The following MBTPS2 variants were observed in gnomAD, a reference collection of about 807,000 sequenced individuals.
MBTPS2 encodes membrane-bound transcription factor site-2 protease.
In MBTPS2, 2 loss-of-function variants were observed where a neutral mutation model predicts 35.4. The observed-to-expected ratio is 0.06, with a 90% CI of 0.02 to 0.18. The LOEUF is 0.18. MBTPS2 is among the 10% of genes least tolerant of loss of function. The probability of loss-of-function intolerance (pLI) is 1.00; values close to 1 mark genes in which losing one functional copy is unlikely to be tolerated. For missense variants in MBTPS2, 244 were observed against 386.5 expected (o/e 0.63, Z 3.09); for synonymous variants, 125 against 140.4 (o/e 0.89, Z 0.77).
intron 5 of MBTPS2, chrX:21,856,212 T>A (rs955266416): frequency 1.2e-5 from 4 of 327,988 alleles, no homozygotes; most frequent in African/African-American, 1.0e-4. Context: ...ACGCGCCAGT[T>A]GCCTAGGCGC....
In MBTPS2 at chrX:21,884,630, A is replaced by G. The variant is rs2092962730; in HGVS notation, c.*1975A>G. 2 of 753,642 alleles carry G rather than the reference A, an allele frequency of 2.7e-6. No homozygotes were observed. The highest frequency in any genetic ancestry group is 4.6e-5 in the African/African-American group (2 of 43,843). The allele number at this position is 753,642 out of a possible 1,213,427, so 62.1% of individuals were successfully genotyped here. ...GTACCATTTGTATAAAACCGGCCTCATTATGTAAGAAAGAAAATGTTACGT... is the reference window on the plus strand; with the variant it reads ...GTACCATTTGTATAAAACCGGCCTCGTTATGTAAGAAAGAAAATGTTACGT... On this transcript the variant is annotated 3_prime_UTR_variant, in exon 11 of 11. Coordinates refer to ENST00000379484, the MANE Select transcript of MBTPS2 (RefSeq NM_015884.4).
At chrX:21,853,331 A>G (rs375202599) in intron 4 of MBTPS2, 45 bp from the exon 5 acceptor site, 10 of 966,393 alleles carry the variant, frequency 1.0e-5, no homozygotes, top group African/African-American at 1.9e-5. Context: ...AATTTGATAA[A>G]TATAATAGTA....
In MBTPS2 at chrX:21,884,730, C is replaced by T. The variant is rs1300844524; in HGVS notation, c.*2075C>T. The T allele has an allele frequency of 3.0e-6, 2 of 657,348 alleles. No individual in the cohort carries two copies. The highest frequency in any genetic ancestry group is 2.4e-5 in the African/African-American group (1 of 41,410). 54.2% of individuals were successfully genotyped at this position (657,348 alleles called of 1,213,427 possible). A position where few individuals can be genotyped will look rare whatever the true frequency, so the allele number is the denominator to read the frequency against. ...CATATTCATCTTTGCATCCCTGGCACAGTGCATGAGACATAAGTACTTAAT... is the reference window on the plus strand; with the variant it reads ...CATATTCATCTTTGCATCCCTGGCATAGTGCATGAGACATAAGTACTTAAT... On this transcript the variant is annotated 3_prime_UTR_variant, in exon 11 of 11. Coordinates refer to ENST00000379484, the MANE Select transcript of MBTPS2 (RefSeq NM_015884.4).
rs774489941 is a variant in MBTPS2 at position 21,866,764 on chromosome X, C to T, written c.671-1703C>T. Among the ~76,000 whole-genome samples the T allele has an allele frequency of 1.0e-3, 116 of 110,885 alleles. 1 individual carries two copies. Among genetic ancestry groups the T allele is most frequent in the Non-Finnish European group, 7.9e-4 (42 of 52,971 alleles). ...AATGTGGGCCAGGCGTAGTGGCTCA[C>T]ACCTGTAATCCTAGCGCTTTGGGAG... On this transcript the variant is annotated intron_variant, in intron 5 of 10. Transcript: ENST00000379484.
At chrX:21,862,931 A>AAAATATATATATATAT (rs1569325764) in intron 5 of MBTPS2, among the ~76,000 whole-genome samples, 1 of 13,803 alleles carries the variant, frequency 7.2e-5, no homozygotes, top group Non-Finnish European at 1.8e-4. Context: ...TATATATATA[A>AAAATATATATATATAT]ACATATATAT....
chrX:21,878,732 A>T, intron 9 of MBTPS2, 40 bp downstream of exon 9: 1 of 919,949 alleles, frequency 1.1e-6, no homozygotes, highest in Non-Finnish European at 1.6e-6. Context: ...AATCATTAAG[A>T]TCACATATAG....
rs769567598 is a variant in MBTPS2, at chrX:21,845,321, C to G, written c.375C>G (p.Ser125=). Residue 125 remains serine (S), a synonymous_variant, in exon 3 of 11, where the codon TCC becomes TCG. Coordinates refer to ENST00000379484, the MANE Select transcript of MBTPS2 (RefSeq NM_015884.4). Reference sequence around the variant, plus strand: ...CTTCTTCCTCTTCCTCCTCTTCTTCCTCTTCCTCTTCTTCATCTTCTTCCT... The same window carrying G: ...CTTCTTCCTCTTCCTCCTCTTCTTCGTCTTCCTCTTCTTCATCTTCTTCCT... The part of the protein sequence containing the change: ...SSSSSSSSSS[S]SSSSSSSSSS... The G allele has an allele frequency of 2.5e-6, 3 of 1,189,227 alleles. No individual in the cohort carries two copies. The African/African-American group carries it at 5.3e-5, about 21-fold the overall frequency.
At chrX:21,873,593 G>A (rs980897983) in intron 7 of MBTPS2, among the ~76,000 whole-genome samples, 10 of 111,840 alleles carry the variant, frequency 8.9e-5, no homozygotes, top group South Asian at 7.5e-4. Flanking sequence ...GCACGAGACA[G>A]AATGCTAAGG....
At chrX:21,864,274 C>T (rs113177997) in intron 5 of MBTPS2, among the ~76,000 whole-genome samples, 86 of 112,088 alleles carry the variant, frequency 7.7e-4, no homozygotes, top group African/African-American at 2.6e-3. Flanking sequence ...GCTCTTGTTG[C>T]CCAGGCTGGA....
chrX:21,841,066 T>C (rs2092902081), intron 1 of MBTPS2, among the ~76,000 whole-genome samples: 2 of 111,593 alleles, frequency 1.8e-5, no homozygotes, highest in Admixed American at 9.5e-5. Context: ...ACCTAGGGAA[T>C]CCGAATCTGC....
chrX:21,848,605 G>A (rs944090815), intron 3 of MBTPS2, among the ~76,000 whole-genome samples: 12 of 111,029 alleles, frequency 1.1e-4, no homozygotes, highest in Non-Finnish European at 1.9e-4. Flanking sequence ...AGATGAACCC[G>A]GGAGGCGGAG....
At chrX:21,874,643 T>C (rs746084265) in intron 7 of MBTPS2, among the ~76,000 whole-genome samples, 236 of 111,804 alleles carry the variant, frequency 2.1e-3, no homozygotes, top group Non-Finnish European at 3.5e-3. Flanking sequence ...ACATTCAAAA[T>C]ATACAAGTTC....
intron 8 of MBTPS2, 40 bp from the exon 9 acceptor site, chrX:21,878,457 A>T: frequency 9.9e-7 from 1 of 1,011,179 alleles, no homozygotes; most frequent in Non-Finnish European, 1.4e-6. Context: ...GGTTTTTCTT[A>T]ATCATTTTTA....
chrX:21,865,951 T>C (rs1445355206), intron 5 of MBTPS2, among the ~76,000 whole-genome samples: 2 of 111,631 alleles, frequency 1.8e-5, no homozygotes, highest in East Asian at 5.6e-4. Context: ...TGACCCATGA[T>C]TTTTGTTTGT....
chrX:21,849,829 A>T (rs1429812241), intron 3 of MBTPS2, among the ~76,000 whole-genome samples: 1 of 98,491 alleles, frequency 1.0e-5, no homozygotes, highest in Non-Finnish European at 2.0e-5. Flanking sequence ...GATTGAGACC[A>T]CGGTGAAACC....
Position 21,845,814 on chromosome X carries a change from T to G in MBTPS2, c.438+430T>G, listed in dbSNP as rs1277993745. 8.9e-5 allele frequency among the ~76,000 whole-genome samples: 10 copies of G among 112,475 alleles called. No homozygotes were observed. In the Admixed American group the frequency reaches 9.4e-4, roughly 11 times the overall value. ...AATAATATCCTTTTAATTAAAGATATAAGACCTTTCTGAATGGTCACTGTG... is the reference window on the plus strand; with the variant it reads ...AATAATATCCTTTTAATTAAAGATAGAAGACCTTTCTGAATGGTCACTGTG... On this transcript the variant is annotated intron_variant, in intron 3 of 10. Coordinates refer to ENST00000379484, the MANE Select transcript of MBTPS2 (RefSeq NM_015884.4).
At chrX:21,874,464 G>A (rs760109760) in intron 7 of MBTPS2, among the ~76,000 whole-genome samples, 1 of 111,420 alleles carries the variant, frequency 9.0e-6, no homozygotes, top group African/African-American at 3.3e-5. Context: ...ATAAGCTAGG[G>A]TAAGAAAATT....
At chrX:21,845,850 G>A (rs1204372379) in intron 3 of MBTPS2, among the ~76,000 whole-genome samples, 3 of 112,266 alleles carry the variant, frequency 2.7e-5, no homozygotes, top group African/African-American at 3.2e-5. Context: ...ATTTCTTAAT[G>A]TGAAGAATAA....
At chrX:21,851,937 C>G (rs1422138792) in intron 4 of MBTPS2, among the ~76,000 whole-genome samples, 1 of 111,878 alleles carries the variant, frequency 8.9e-6, no homozygotes, top group Non-Finnish European at 1.9e-5. Flanking sequence ...TTCATCGAGT[C>G]AGAATGATAA....
Sources: allele counts gnomAD v4.1 joint callset (sites outside exome capture counted in the v4.1 genomes callset), GRCh38; gene constraint gnomAD v4.1.1; transcripts MANE v1.5; gene names NCBI Gene and HGNC (gene_info 2026-07-23, HGNC 2026-07-21).